The following CRBN variants were observed in gnomAD, a reference collection of about 807,000 sequenced individuals.
CRBN encodes protein cereblon.
In CRBN, 53 loss-of-function variants were observed where a neutral mutation model predicts 62.2. The observed-to-expected ratio is 0.85, with a 90% CI of 0.68 to 1.07. The LOEUF is 1.07. Among genes scored for constraint, CRBN ranks in the 50% least tolerant of loss-of-function variants. CRBN has a pLI of 0.00. For missense variants in CRBN, 616 were observed against 531.1 expected (o/e 1.16, Z -1.57); for synonymous variants, 208 against 176.1 (o/e 1.18, Z -1.43).
rs138968119 is a variant in CRBN at position 3,178,801 on chromosome 3, G to C, written c.67+820C>G. Among the ~76,000 whole-genome samples, 3 of 152,066 alleles carry C rather than the reference G, an allele frequency of 2.0e-5. No individual in the cohort carries two copies. In the East Asian group the frequency reaches 5.8e-4, roughly 29 times the overall value. ...CTTGTCATATAACGAAGGGACTCAA[G>C]TAATACTTTCAAGTTTGGATGATAC... On this transcript the variant is annotated intron_variant, in intron 1 of 10. Coordinates refer to ENST00000231948, the MANE Select transcript of CRBN (RefSeq NM_016302.4).
chr3:3,167,333 A>T (rs187509409), intron 5 of CRBN: 1 of 275,002 alleles, frequency 3.6e-6, no homozygotes, highest in African/African-American at 2.3e-5. Context: ...AGAGCCGAAC[A>T]TCTAATTTGA....
chr3:3,164,665 C>T (rs1011115096), intron 5 of CRBN, among the ~76,000 whole-genome samples: 1 of 152,174 alleles, frequency 6.6e-6, no homozygotes, highest in African/African-American at 2.4e-5. Context: ...AGACCTACTG[C>T]TCAGAAAAGA....
At chr3:3,155,054 C>G in intron 6 of CRBN, 2 of 567,578 alleles carry the variant, frequency 3.5e-6, no homozygotes, top group Non-Finnish European at 6.3e-6. Flanking sequence ...CTGTCTTAAC[C>G]CAGCGGTATA....
intron 5 of CRBN, among the ~76,000 whole-genome samples, chr3:3,165,609 T>A (rs1438754250): frequency 6.6e-6 from 1 of 152,232 alleles, no homozygotes; most frequent in Non-Finnish European, 1.5e-5. Context: ...ACACTGTTTT[T>A]TAGATAGAAT....
intron 5 of CRBN, 44 bp downstream of exon 5, chr3:3,167,590 C>T (rs1272935216): frequency 6.3e-7 from 1 of 1,577,822 alleles, no homozygotes; most frequent in Non-Finnish European, 8.7e-7. Flanking sequence ...AAAAAAACAA[C>T]CTGTCTTCAT....
chr3:3,150,928 CAG>C lies in CRBN; in HGVS notation c.1264_1265del (p.Leu422ValfsTer8). The C allele has an allele frequency of 1.9e-6, 3 of 1,614,006 alleles. No individual in the cohort carries two copies. The highest frequency in any genetic ancestry group is 2.2e-5 in the East Asian group (1 of 44,868). On this transcript the variant is annotated frameshift_variant, in exon 11 of 11. Coordinates refer to ENST00000231948, the MANE Select transcript of CRBN (RefSeq NM_016302.4). LOFTEE classifies it high-confidence loss of function. ...CTTCAGTGTCTGGGATCGTGGGCAA[CAG>C]AGCAGATCGCGTTAAGCCCCAAAAT... ...QKFWGLTRSA[L>X]LPTIPDTEDE... is the part of the protein sequence containing the mutation.
At chr3:3,152,166 A>AAAT (rs1553559027) in intron 10 of CRBN, among the ~76,000 whole-genome samples, 13 of 62,872 alleles carry the variant, frequency 2.1e-4, no homozygotes, top group African/African-American at 3.5e-4. Flanking sequence ...TTTTTTTTTT[A>AAAT]AATAGACAGA....
intron 5 of CRBN, among the ~76,000 whole-genome samples, chr3:3,160,740 T>C (rs1195512901): frequency 6.6e-6 from 1 of 152,244 alleles, no homozygotes; most frequent in African/African-American, 2.4e-5. Context: ...GTGAGGGGCT[T>C]ACCAGCCCTA....
intron 2 of CRBN, among the ~76,000 whole-genome samples, chr3:3,174,468 C>T (rs1022197254): frequency 2.6e-5 from 4 of 152,042 alleles, no homozygotes; most frequent in African/African-American, 9.7e-5. Flanking sequence ...TGGTGGAACC[C>T]TGTTGCTACT....
chr3:3,171,092 A>G (rs1467268420), intron 4 of CRBN, among the ~76,000 whole-genome samples: 1 of 152,210 alleles, frequency 6.6e-6, no homozygotes, highest in Non-Finnish European at 1.5e-5. Flanking sequence ...GGCATGAGCC[A>G]CTGTGCGCGG....
Position 3,167,672 on chromosome 3 carries a change from C to G in CRBN, c.649G>C (p.Asp217His), listed in dbSNP as rs763812130. 6.2e-7 allele frequency: 1 copy of G among 1,613,312 alleles called. No individual in the cohort carries two copies. Among genetic ancestry groups the G allele is most frequent in the South Asian group, 1.1e-5 (1 of 90,986 alleles). Residue 217 changes from aspartate (D) to histidine (H), a missense_variant, in exon 5 of 11, where the codon GAC (aspartate) becomes CAC (histidine). Asp to His is a moderately conservative substitution (Grantham distance 81, BLOSUM62 -1). Coordinates refer to ENST00000231948, the MANE Select transcript of CRBN (RefSeq NM_016302.4). ...IFPSKPVSRE[D>H]QCSYKWWQKY... The stretch of plus-strand genomic sequence containing the variant: ...TGCCACCATTTATATGAACATTGGT[C>G]TTCTCTTGAGACAGGTTTTGAAGGA...
chr3:3,163,912 C>T (rs1238180288), intron 5 of CRBN, among the ~76,000 whole-genome samples: 1 of 152,200 alleles, frequency 6.6e-6, no homozygotes, highest in African/African-American at 2.4e-5. Context: ...TAACTACCTG[C>T]CTGTGCCATA....
At chr3:3,179,088 G>T (rs966320614) in intron 1 of CRBN, among the ~76,000 whole-genome samples, 3 of 152,196 alleles carry the variant, frequency 2.0e-5, no homozygotes, top group African/African-American at 7.2e-5. Flanking sequence ...TGACTCTGCT[G>T]TGTGACCTTG....
At chr3:3,179,333 G>A (rs1298481375) in intron 1 of CRBN, among the ~76,000 whole-genome samples, 3 of 152,228 alleles carry the variant, frequency 2.0e-5, no homozygotes, top group Non-Finnish European at 2.9e-5. Context: ...TTTCCTAGGA[G>A]CTAAACTCAG....
intron 5 of CRBN, chr3:3,156,595 T>G: frequency 2.7e-6 from 1 of 366,188 alleles, no homozygotes; most frequent in Admixed American, 4.4e-5. Context: ...TATGACCATG[T>G]TAGTTGCCTT....
rs1337945995 is a variant in CRBN at position 3,150,481 on chromosome 3, A to AAT, written c.*382_*383dup. The AAT allele has an allele frequency of 4.7e-6, 1 of 213,938 alleles. No homozygotes were observed. The highest frequency in any genetic ancestry group is 9.6e-6 in the Non-Finnish European group (1 of 104,636). 13.3% of individuals were successfully genotyped at this position (213,938 alleles called of 1,614,324 possible). On this transcript the variant is annotated 3_prime_UTR_variant, in exon 11 of 11. Coordinates refer to ENST00000231948, the MANE Select transcript of CRBN (RefSeq NM_016302.4). ...TACGCTGTCCCATACATCAGGATCA[A>AAT]ATTATTAGTTTCAGTTTCACATTGT...
intron 4 of CRBN, among the ~76,000 whole-genome samples, chr3:3,171,110 TTAA>T (rs1707592290): frequency 6.6e-6 from 1 of 152,192 alleles, no homozygotes; most frequent in African/African-American, 2.4e-5. Flanking sequence ...CGGCCTGATG[TTAA>T]TCTTTACTAG....
chr3:3,174,195 T>C lies in CRBN; in HGVS notation c.241A>G (p.Ile81Val). The C allele has an allele frequency of 6.2e-7, 1 of 1,614,224 alleles. No homozygotes were observed. Among genetic ancestry groups the C allele is most frequent in the African/African-American group, 1.3e-5 (1 of 75,062 alleles). Reference protein sequence around the residue: ...TLHDDDSCQVIPVLPQVMMIL... With the variant: ...TLHDDDSCQVVPVLPQVMMIL... ...ATCATCACTTGTGGAAGAACTGGAA[T>C]CACCTGACAGCTGTCGTCATCGTGC... Residue 81 changes from isoleucine (I) to valine (V), a missense_variant, in exon 3 of 11, where the codon ATT becomes GTT. Ile to Val is a conservative substitution (Grantham distance 29). Transcript: ENST00000231948.
intron 1 of CRBN, among the ~76,000 whole-genome samples, chr3:3,179,397 C>T (rs1707972280): frequency 1.3e-5 from 2 of 152,188 alleles, no homozygotes; most frequent in Non-Finnish European, 2.9e-5. Context: ...CAAATGCTCC[C>T]CCCGACACCC....
Sources: allele counts gnomAD v4.1 joint callset (sites outside exome capture counted in the v4.1 genomes callset), GRCh38; gene constraint gnomAD v4.1.1; transcripts MANE v1.5; gene names NCBI Gene and HGNC (gene_info 2026-07-23, HGNC 2026-07-21).